Variants in CNBD1 observed in about 807,000 individuals in gnomAD.
The protein encoded by CNBD1 is cyclic nucleotide-binding domain-containing protein 1.
A neutral mutation model predicts 54.4 loss-of-function variants in CNBD1; 71 were observed. The observed-to-expected ratio is 1.30, with a 90% CI of 1.08 to 1.59. The LOEUF (loss-of-function observed/expected upper bound fraction) is 1.59, where lower values mean the gene tolerates loss of function less well. CNBD1 is among the 40% of genes most tolerant of loss of function. CNBD1 has a pLI of 0.00. For synonymous variants in CNBD1, 182 were observed against 170.7 expected (o/e 1.07, Z -0.51); for missense variants, 659 against 518.0 (o/e 1.27, Z -2.64).
rs1249242176 is a variant in CNBD1, at chr8:87,166,685, C to T, written c.432-39308C>T. Among the ~76,000 whole-genome samples the T allele has an allele frequency of 6.6e-6, 1 of 151,788 alleles. No homozygotes were observed. Among genetic ancestry groups the T allele is most frequent in the African/African-American group, 2.4e-5 (1 of 41,372 alleles). On this transcript the variant is annotated intron_variant, in intron 4 of 10. Transcript: ENST00000518476. This position sits in a 1 kb window ranked among gnomAD's most constrained non-coding sequence, Gnocchi z 4.3. ...TGTTCCTCAGGTTTTCTGATATTTG[C>T]ACATGTTTGTTTCTATTTGGACAGT... is the stretch of plus-strand genomic sequence containing the variant.
At chr8:87,386,445 G>T (rs1811191662), downstream of CNBD1, among the ~76,000 whole-genome samples, 1 of 152,128 alleles carries the variant, frequency 6.6e-6, no homozygotes, top group African/African-American at 2.4e-5. Flanking sequence ...GAAAACCGTG[G>T]CACGAGAACT....
chr8:87,377,603 C>T (rs1409705114), intron 10 of CNBD1, among the ~76,000 whole-genome samples: 1 of 151,196 alleles, frequency 6.6e-6, no homozygotes. Flanking sequence ...AATAATGCCG[C>T]AATAAACATA....
At chr8:87,279,963 C>T (rs1055126010) in intron 6 of CNBD1, among the ~76,000 whole-genome samples, 1 of 151,272 alleles carries the variant, frequency 6.6e-6, no homozygotes, top group Non-Finnish European at 1.5e-5. Context: ...TTCATATTAT[C>T]CTGAAAGATA....
At chr8:87,402,305 G>T (rs1807578742) in intron 2 of CNBD1, among the ~76,000 whole-genome samples, 1 of 151,996 alleles carries the variant, frequency 6.6e-6, no homozygotes, top group Admixed American at 6.6e-5. Context: ...TTTGGGTGGG[G>T]ACACAGTCAA....
chr8:87,338,478 GTT>G (rs1268167567), intron 8 of CNBD1, among the ~76,000 whole-genome samples: 33 of 151,840 alleles, frequency 2.2e-4, no homozygotes, highest in African/African-American at 7.7e-4. Context: ...TGTTGTTGTT[GTT>G]TTGTTTTGTT....
At chr8:87,066,190 A>G (rs1348371006) in intron 4 of CNBD1, among the ~76,000 whole-genome samples, 1 of 151,980 alleles carries the variant, frequency 6.6e-6, no homozygotes, top group Non-Finnish European at 1.5e-5. Context: ...AAATTAAGCT[A>G]TCCTGAACAT....
chr8:86,896,350 G>A (rs975881350), intron 2 of CNBD1, among the ~76,000 whole-genome samples: 8 of 152,072 alleles, frequency 5.3e-5, no homozygotes, highest in South Asian at 2.1e-4. Flanking sequence ...ATAGTACTTC[G>A]TTAAAGATTG....
At chr8:86,945,003 C>T (rs371396117) in intron 4 of CNBD1, among the ~76,000 whole-genome samples, 1 of 152,192 alleles carries the variant, frequency 6.6e-6, no homozygotes, top group African/African-American at 2.4e-5. Flanking sequence ...TGACCACTAA[C>T]ATGATGGAGA....
At chr8:87,072,531 G>T (rs1482457706) in intron 4 of CNBD1, among the ~76,000 whole-genome samples, 1 of 152,132 alleles carries the variant, frequency 6.6e-6, no homozygotes, top group Admixed American at 6.5e-5. Context: ...GCATTTGCTT[G>T]ACTGAAAAGT....
chr8:87,014,375 A>C (rs1462182963), intron 4 of CNBD1, among the ~76,000 whole-genome samples: 1 of 152,042 alleles, frequency 6.6e-6, no homozygotes, highest in East Asian at 1.9e-4. Flanking sequence ...AACCCAGCCC[A>C]AGACAGAATG....
intron 10 of CNBD1, among the ~76,000 whole-genome samples, chr8:87,380,706 GT>G (rs1425317987): frequency 2.0e-5 from 3 of 151,918 alleles, no homozygotes; most frequent in Non-Finnish European, 2.9e-5. Context: ...GTGTTTTGTA[GT>G]TTTCAGTAAA....
intron 6 of CNBD1, among the ~76,000 whole-genome samples, chr8:87,274,000 T>G (rs1279938866): frequency 6.8e-6 from 1 of 146,882 alleles, no homozygotes; most frequent in African/African-American, 2.5e-5. Context: ...AATTCCCACC[T>G]ATGAGTGAGA....
intron 2 of CNBD1, among the ~76,000 whole-genome samples, chr8:86,892,999 T>C (rs1808795620): frequency 6.6e-6 from 1 of 152,154 alleles, no homozygotes; most frequent in Non-Finnish European, 1.5e-5. Flanking sequence ...ATGGTTTATG[T>C]ACACATAAAA....
chr8:87,334,008 GTTTC>G (rs916938759), intron 8 of CNBD1, among the ~76,000 whole-genome samples: 2 of 151,518 alleles, frequency 1.3e-5, no homozygotes, highest in African/African-American at 4.8e-5. Context: ...TGGGTTTTTT[GTTTC>G]TTTGTTTTTT....
intron 4 of CNBD1, among the ~76,000 whole-genome samples, chr8:86,940,131 A>ATTTTTTT (rs1563830029): frequency 7.5e-5 from 2 of 26,756 alleles, no homozygotes; most frequent in Admixed American, 5.1e-4. Flanking sequence ...ACCACATGTT[A>ATTTTTTT]CTTTTTTTTT....
At chr8:87,199,971 A>G (rs1011843435) in intron 4 of CNBD1, among the ~76,000 whole-genome samples, 1 of 152,212 alleles carries the variant, frequency 6.6e-6, no homozygotes, top group African/African-American at 2.4e-5. Context: ...GCACGAGTGT[A>G]TACTTACCTC....
intron 8 of CNBD1, among the ~76,000 whole-genome samples, chr8:87,319,052 T>C (rs1809462795): frequency 6.6e-6 from 1 of 151,998 alleles, no homozygotes; most frequent in Non-Finnish European, 1.5e-5. Context: ...GAGATCAACA[T>C]AATGGTGTGT....
chr8:87,131,059 TA>T (rs1219817717), intron 4 of CNBD1, among the ~76,000 whole-genome samples: 1 of 152,140 alleles, frequency 6.6e-6, no homozygotes, highest in Non-Finnish European at 1.5e-5. Context: ...CTTTTCCTTT[TA>T]ATCTATCTGC....
chr8:87,199,159 A>G (rs925173892), intron 4 of CNBD1, among the ~76,000 whole-genome samples: 15 of 152,354 alleles, frequency 9.8e-5, no homozygotes, highest in African/African-American at 3.6e-4. Flanking sequence ...TGACATTTCA[A>G]CATGAGATTT....
Sources: gnomAD v4.1 joint callset for allele counts (sites outside exome capture counted in the v4.1 genomes callset) on GRCh38, gnomAD v4.1.1 for gene constraint, Gnocchi (gnomAD v3.1) non-coding constraint, MANE v1.5 for transcripts, NCBI Gene and HGNC (gene_info 2026-07-23, HGNC 2026-07-21) for gene names.